RYR1: variants seen among roughly 807,000 people sequenced by gnomAD.
RYR1 encodes the protein central core disease of muscle.
In RYR1, 342 loss-of-function variants were observed where a neutral mutation model predicts 583.5. That is an observed-to-expected ratio of 0.59 (90% CI 0.54 to 0.64). RYR1 has a LOEUF of 0.64. Ranked by LOEUF, RYR1 falls within the 30% of genes least tolerant of loss-of-function variation. RYR1 has a pLI of 0.00. For missense variants in RYR1, 6,032 were observed against 6,917.2 expected (o/e 0.87, Z 4.54); for synonymous variants, 2,791 against 2,822.5 (o/e 0.99, Z 0.35).
intron 63 of RYR1, among the ~76,000 whole-genome samples, chr19:38,513,669 G>C (rs1014226263): frequency 2.6e-5 from 4 of 151,670 alleles, no homozygotes; most frequent in East Asian, 1.9e-4. Context: ...CTGGGAGGTG[G>C]AGGTTGCAGT....
At position 38,546,459 on chromosome 19, in the gene RYR1, C is replaced by G. The variant is rs749580913; in HGVS notation, c.12027C>G (p.Ile4009Met). 2.5e-6 allele frequency: 4 copies of G among 1,613,830 alleles called. No individual in the cohort carries two copies. Among genetic ancestry groups the G allele is most frequent in the Non-Finnish European group, 3.4e-6 (4 of 1,179,928 alleles). Residue 4009 changes from isoleucine to methionine, a missense_variant, in exon 88 of 106, where the codon ATC becomes ATG. Ile to Met is a conservative substitution (Grantham distance 10, BLOSUM62 1). This residue lies in a region of RYR1 where 82 missense variants were observed against 139.7 expected (regional missense o/e 0.59). Transcript: ENST00000359596. ...GGGATCTCTAGGACTCAAGCCAGATCGAGCTGCTGAAGGAGCTGCTGGATC... is the reference window on the plus strand; with the variant it reads ...GGGATCTCTAGGACTCAAGCCAGATGGAGCTGCTGAAGGAGCTGCTGGATC... ...MMKLAQDSSQ[I>M]ELLKELLDLQ...
At position 38,543,476 on chromosome 19, in the gene RYR1, G is replaced by A; in HGVS notation, c.11778+41G>A. On this transcript the variant is annotated intron_variant, in intron 85 of 105. Coordinates refer to ENST00000359596, the MANE Select transcript of RYR1 (RefSeq NM_000540.3). This position sits in a 1 kb window ranked among gnomAD's most constrained non-coding sequence, Gnocchi z 4.4. ...GGTTCAGGTGTGACTTGGGTCGGGG[G>A]CTGCAGGGCCATGGTCGGCCCCAGC... The A allele has an allele frequency of 5.0e-6, 8 of 1,614,212 alleles. No individual in the cohort carries two copies. Among genetic ancestry groups the A allele is most frequent in the Non-Finnish European group, 6.8e-6 (8 of 1,180,030 alleles).
intron 96 of RYR1, among the ~76,000 whole-genome samples, chr19:38,575,079 T>C (rs568899631): frequency 6.7e-6 from 1 of 149,162 alleles, no homozygotes; most frequent in East Asian, 2.0e-4. Flanking sequence ...TATTTGAGGA[T>C]GTTAGGGCAT....
chr19:38,487,248 A>G (rs979713882), intron 34 of RYR1, among the ~76,000 whole-genome samples: 4 of 152,080 alleles, frequency 2.6e-5, no homozygotes, highest in Non-Finnish European at 4.4e-5. Flanking sequence ...ACACCCATCC[A>G]TCTACCCGTT....
In RYR1 at chr19:38,564,824, C is replaced by T; in HGVS notation, c.12625-135C>T. On this transcript the variant is annotated intron_variant, in intron 90 of 105. Coordinates refer to ENST00000359596, the MANE Select transcript of RYR1 (RefSeq NM_000540.3). The stretch of plus-strand genomic sequence containing the variant: ...GCCACCGCGCCCAGCCTGACCCTGT[C>T]TCAAAAACAAAATACCAACAATGCA... The T allele has an allele frequency of 2.0e-6, 3 of 1,467,584 alleles. No homozygotes were observed. In the South Asian group the frequency reaches 3.7e-5, roughly 18 times the overall value. 90.9% of individuals were successfully genotyped at this position (1,467,584 alleles called of 1,614,324 possible). A position where few individuals can be genotyped will look rare whatever the true frequency, so the allele number is the denominator to read the frequency against.
chr19:38,455,575 G>A (rs2288889), intron 15 of RYR1, 29 bp downstream of exon 15: 1 of 1,612,686 alleles, frequency 6.2e-7, no homozygotes. Context: ...GTGGGACAGA[G>A]GCTTGTGGGA....
chr19:38,503,108 A>G, intron 49 of RYR1, 138 bp downstream of exon 49: 1 of 819,084 alleles, frequency 1.2e-6, no homozygotes, highest in South Asian at 1.4e-5. Flanking sequence ...GTCCCCGTAG[A>G]AATCTCTTAG....
intron 76 of RYR1, among the ~76,000 whole-genome samples, chr19:38,530,044 A>G (rs1004711800): frequency 6.6e-6 from 1 of 151,678 alleles, no homozygotes; most frequent in African/African-American, 2.4e-5. Flanking sequence ...CAGTGGCACA[A>G]TCTCAGCTCA....
chr19:38,530,930 G>A (rs1432392691), intron 76 of RYR1, among the ~76,000 whole-genome samples: 1 of 151,132 alleles, frequency 6.6e-6, no homozygotes, highest in Non-Finnish European at 1.5e-5. Context: ...AGCCTTCCGA[G>A]TAGCTGGGAT....
chr19:38,570,754 C>G, intron 94 of RYR1, 61 bp downstream of exon 94: 1 of 1,348,704 alleles, frequency 7.4e-7, no homozygotes. Flanking sequence ...ATGGGAGGCT[C>G]AGCCCCTATC....
chr19:38,499,968 C>T lies in RYR1; in HGVS notation c.7275C>T (p.Phe2425=). The T allele has an allele frequency of 6.2e-7, 1 of 1,614,156 alleles. No individual in the cohort carries two copies. Among genetic ancestry groups the T allele is most frequent in the Non-Finnish European group, 8.5e-7 (1 of 1,180,010 alleles). ...RVHLGHAIMS[F]YAALIDLLGR... is the part of the protein sequence containing the mutation. ...ACCTGGGACACGCCATCATGTCCTT[C>T]TATGCCGCCTTGATCGACCTGCTCG... Residue 2425 remains phenylalanine, a synonymous_variant, in exon 45 of 106, where the codon TTC becomes TTT. Coordinates refer to ENST00000359596, the MANE Select transcript of RYR1 (RefSeq NM_000540.3). This position sits in a 1 kb window ranked among gnomAD's most constrained non-coding sequence, Gnocchi z 7.3.
In RYR1 at chr19:38,486,213, C is replaced by T. The variant is rs764492281; in HGVS notation, c.5547+11C>T. ...GTGTCCACCCTGCTGGTAATGGCTT[C>T]CTCCTGCTTTCCTCTGTCCCATTCT... On this transcript the variant is annotated intron_variant, in intron 34 of 105. Coordinates refer to ENST00000359596, the MANE Select transcript of RYR1 (RefSeq NM_000540.3). The T allele has an allele frequency of 3.1e-6, 5 of 1,612,624 alleles. No individual in the cohort carries two copies. Among genetic ancestry groups the T allele is most frequent in the Middle Eastern group, 1.6e-4 (1 of 6,084 alleles).
chr19:38,463,414 T>C lies in RYR1; in HGVS notation c.2578-9T>C. ...CCTTGGGGTCTCAAGAACGTCCCTC[T>C]GCCTCTAGATTGTCCTGCCGCCCCA... is the stretch of plus-strand genomic sequence containing the variant. On this transcript the variant is annotated splice_polypyrimidine_tract_variant and intron_variant, in intron 20 of 105. Transcript: ENST00000359596. 1 of 1,613,282 alleles carries C rather than the reference T, an allele frequency of 6.2e-7. No homozygotes were observed. Among genetic ancestry groups the C allele is most frequent in the Non-Finnish European group, 8.5e-7 (1 of 1,179,542 alleles).
At chr19:38,521,623 G>A (rs749237230) in intron 67 of RYR1, among the ~76,000 whole-genome samples, 139 of 147,138 alleles carry the variant, frequency 9.4e-4, no homozygotes, top group South Asian at 1.7e-3. Context: ...TTGGAACCTG[G>A]GAGGCAGAAG....
In RYR1 at chr19:38,452,860, C is replaced by T. The variant is rs201054455; in HGVS notation, c.1286C>T (p.Pro429Leu). Residue 429 changes from proline (P) to leucine (L), a missense_variant, in exon 13 of 106, where the codon CCA (proline) becomes CTA (leucine). Coordinates refer to ENST00000359596, the MANE Select transcript of RYR1 (RefSeq NM_000540.3). ...SFSGKPRGSG[P>L]PAGTALPIEG... ...AGCGGGAAGCCACGGGGCTCGGGGC[C>T]ACCCGCTGGCACGGCGCTGCCCATC... The T allele has an allele frequency of 2.5e-5, 41 of 1,608,194 alleles. No homozygotes were observed. The highest frequency in any genetic ancestry group is 2.7e-5 in the Non-Finnish European group (32 of 1,177,398).
Position 38,454,118 on chromosome 19 carries a change from C to T in RYR1, c.1440+1104C>T, listed in dbSNP as rs538490921. Among the ~76,000 whole-genome samples, 208 of 152,312 alleles carry T rather than the reference C, an allele frequency of 1.4e-3. 1 individual carries two copies. The highest frequency in any genetic ancestry group is 4.9e-3 in the African/African-American group (205 of 41,554). ...GTGGTGTGATCTTGGCTCACTGCAA[C>T]CTCCACCTCCCAGGTTCAAATGATT... On this transcript the variant is annotated intron_variant, in intron 13 of 105. Transcript: ENST00000359596.
Position 38,452,838 on chromosome 19 carries a change from G to T in RYR1, c.1264G>T (p.Gly422Trp). The stretch of plus-strand genomic sequence containing the variant: ...CTGTAGGAGCCTGGACAGCTTCAGC[G>T]GGAAGCCACGGGGCTCGGGGCCACC... ...QFIKSLDSFS[G>W]KPRGSGPPAG... The change falls in exon 13 of 106, where the codon GGG (glycine) becomes TGG (tryptophan). Residue 422 changes from glycine (G) to tryptophan (W), a missense_variant. Physicochemically the swap from Gly to Trp is radical, Grantham distance 184 (BLOSUM62 -2). Transcript: ENST00000359596. 1 of 1,599,438 alleles carries T rather than the reference G, an allele frequency of 6.3e-7. No homozygotes were observed. The highest frequency in any genetic ancestry group is 2.3e-5 in the East Asian group (1 of 44,238).
At chr19:38,438,068 T>C (rs1204276595) in intron 1 of RYR1, among the ~76,000 whole-genome samples, 1 of 151,012 alleles carries the variant, frequency 6.6e-6, no homozygotes, top group Non-Finnish European at 1.5e-5. Context: ...TTGCCCCTCC[T>C]CCTTGCGGCC....
rs1967487021 is a variant in RYR1, at chr19:38,457,613, C to T, written c.1908C>T (p.Leu636=). Reference sequence around the variant, plus strand: ...GTGAGCTTCTGCTGCAGACAAACCTCATCAACTATGTCACCAGGTCTGGCT... The same window carrying T: ...GTGAGCTTCTGCTGCAGACAAACCTTATCAACTATGTCACCAGGTCTGGCT... ...PGRELLLQTN[L]INYVTSIRPN... Residue 636 remains leucine, a synonymous_variant, in exon 17 of 106, where the codon CTC becomes CTT. Coordinates refer to ENST00000359596, the MANE Select transcript of RYR1 (RefSeq NM_000540.3). The T allele has an allele frequency of 1.9e-6, 3 of 1,614,070 alleles. No individual in the cohort carries two copies. The highest frequency in any genetic ancestry group is 4.5e-5 in the East Asian group (2 of 44,896).
Sources: gnomAD v4.1 joint callset for allele counts (sites outside exome capture counted in the v4.1 genomes callset) on GRCh38, gnomAD v4.1.1 for gene constraint, gnomAD v4.1.1 regional missense constraint, Gnocchi (gnomAD v3.1) non-coding constraint, MANE v1.5 for transcripts, NCBI Gene and HGNC (gene_info 2026-07-23, HGNC 2026-07-21) for gene names.